Variants in COX11 observed in about 807,000 individuals in gnomAD.
COX11 encodes the protein cytochrome c oxidase copper chaperone COX11.
A neutral mutation model predicts 29.4 loss-of-function variants in COX11; 18 were observed. That is an observed-to-expected ratio of 0.61 (90% confidence interval 0.42 to 0.91). The LOEUF (loss-of-function observed/expected upper bound fraction) is 0.91. Among genes scored for constraint, COX11 ranks in the 40% least tolerant of loss-of-function variants. The probability of loss-of-function intolerance (pLI) is 0.00; values close to 1 mark genes in which losing one functional copy is unlikely to be tolerated. For missense variants in COX11, 312 were observed against 346.0 expected (o/e 0.90, Z 0.78); for synonymous variants, 131 against 124.0 (o/e 1.06, Z -0.38).
chr17:54,956,462 C>T (rs572116054), downstream of COX11, among the ~76,000 whole-genome samples: 65 of 152,120 alleles, frequency 4.3e-4, no homozygotes, highest in African/African-American at 1.5e-3. Flanking sequence ...TGTGCCACCA[C>T]GCCTGGCTAA....
exon 1 of COX11, chr17:54,954,473 A>G (rs375678199): frequency 1.4e-4 from 22 of 152,406 alleles, no homozygotes; most frequent in African/African-American, 4.8e-4. Flanking sequence ...GAAGAGTGCA[A>G]CAGGGGCCTG....
chr17:54,967,364 C>T (rs2144188346), intron 1 of COX11, among the ~76,000 whole-genome samples: 2 of 152,240 alleles, frequency 1.3e-5, no homozygotes, highest in South Asian at 4.2e-4. Flanking sequence ...GACTTCCTAA[C>T]CAGAATCTCT....
chr17:54,967,052 A>G (rs1057401249), intron 1 of COX11, among the ~76,000 whole-genome samples: 22 of 91,318 alleles, frequency 2.4e-4, no homozygotes, highest in East Asian at 2.2e-3. Context: ...GCACACACAC[A>G]CACACACACA....
At chr17:54,951,988 G>A (rs2143978573) in exon 1 of COX11, 1 of 152,316 alleles carries the variant, frequency 6.6e-6, no homozygotes, top group South Asian at 2.1e-4. Flanking sequence ...ACTTCTTCAT[G>A]TTGACCAGGG....
At chr17:54,952,325 G>A (rs926262223) in exon 1 of COX11, 8 of 152,080 alleles carry the variant, frequency 5.3e-5, no homozygotes, top group East Asian at 1.9e-4. Context: ...AGGCCAAGGC[G>A]CGCAGATCAC....
chr17:54,964,914 A>G, intron 1 of COX11, 62 bp from the exon 2 acceptor site: 1 of 1,513,928 alleles, frequency 6.6e-7, no homozygotes. Context: ...TATTTATTTG[A>G]TAAAAGTTTA....
At position 54,962,803 on chromosome 17, in the gene COX11, A is replaced by C; in HGVS notation, c.761T>G (p.Leu254Arg). 1.2e-6 allele frequency: 2 copies of C among 1,613,172 alleles called. No individual in the cohort carries two copies. Among genetic ancestry groups the C allele is most frequent in the Non-Finnish European group, 1.7e-6 (2 of 1,179,352 alleles). The change falls in exon 4 of 4, where the codon CTT becomes CGT. Residue 254 changes from leucine to arginine, a missense_variant. Leu to Arg is a moderately radical substitution (Grantham distance 102). Coordinates refer to ENST00000299335, the MANE Select transcript of COX11 (RefSeq NM_004375.5). ...AAAAAAAGTGTAAGAAAGAGTGATA[A>C]GATCAACTTTAATCATTCTTGGATC... is the stretch of plus-strand genomic sequence containing the variant. ...AEDPRMIKVD[L>R]ITLSYTFFEA...
At chr17:54,967,199 C>T (rs1442834566) in intron 1 of COX11, among the ~76,000 whole-genome samples, 5 of 152,146 alleles carry the variant, frequency 3.3e-5, no homozygotes, top group African/African-American at 1.2e-4. Context: ...CCCACTGTGG[C>T]CTTGTGATAA....
Position 54,962,473 on chromosome 17 carries a change from C to G in COX11, c.*260G>C. On this transcript the variant is annotated 3_prime_UTR_variant, in exon 4 of 4. Coordinates refer to ENST00000299335, the MANE Select transcript of COX11 (RefSeq NM_004375.5). ...AACCCATGCCTGCATATTTAAAAAA[C>G]AAAGCGGCTTATTTTAATAGTATCA... 9.3e-7 allele frequency: 1 copy of G among 1,076,584 alleles called. No individual in the cohort carries two copies. The highest frequency in any genetic ancestry group is 1.1e-6 in the Non-Finnish European group (1 of 890,888). The allele number at this position is 1,076,584 out of a possible 1,614,324, so 66.7% of individuals were successfully genotyped here.
rs1396806193 is a variant in COX11, at chr17:54,961,053, C to A, written c.*1680G>T. 4.9e-6 allele frequency: 3 copies of A among 606,638 alleles called. No homozygotes were observed. The highest frequency in any genetic ancestry group is 8.7e-6 in the Non-Finnish European group (3 of 344,436). The allele number at this position is 606,638 out of a possible 1,614,324, so 37.6% of individuals were successfully genotyped here. ...CCATGTATTTACTATTTAATGGTCA[C>A]CAATGAACTATCAAAACTTATTTAT... On this transcript the variant is annotated 3_prime_UTR_variant, in exon 4 of 4. Transcript: ENST00000299335.
intron 2 of COX11, among the ~76,000 whole-genome samples, chr17:54,963,903 A>G (rs1002826382): frequency 6.6e-6 from 1 of 152,142 alleles, no homozygotes; most frequent in African/African-American, 2.4e-5. Context: ...TGGAGAAAAT[A>G]AGGGAATAGC....
chr17:54,964,783 T>C lies in COX11; in HGVS notation c.436A>G (p.Lys146Glu), dbSNP rs759921249. The change falls in exon 2 of 4, where the codon AAA (lysine) becomes GAA (glutamate). Residue 146 changes from lysine to glutamate, a missense_variant. Lys to Glu is a moderately conservative substitution (Grantham distance 56). Transcript: ENST00000299335. ...AAGCTAATTTTAATGATTCGATCTTTAACAGGCACCATGTTTTCAATCTTG... is the reference window on the plus strand; with the variant it reads ...AAGCTAATTTTAATGATTCGATCTTCAACAGGCACCATGTTTTCAATCTTG... The part of the protein sequence containing the change: ...SDKIENMVPV[K>E]DRIIKISFNA... 6.8e-6 allele frequency: 11 copies of C among 1,613,956 alleles called. No homozygotes were observed. The South Asian group carries it at 1.1e-4, about 16-fold the overall frequency.
chr17:54,958,388 A>C (rs1441973589), downstream of COX11: 1 of 152,224 alleles, frequency 6.6e-6, no homozygotes, highest in Non-Finnish European at 1.5e-5. Context: ...TTAAGTAGAG[A>C]CAGTAAGTAC....
At chr17:54,957,916 T>C (rs1247959934), downstream of COX11, 2 of 152,234 alleles carry the variant, frequency 1.3e-5, no homozygotes, top group East Asian at 3.8e-4. Flanking sequence ...CAAATACATG[T>C]TTACAAAATT....
Position 54,968,564 on chromosome 17 carries a change from GC to G in COX11, c.82del (p.Ala28LeufsTer5), listed in dbSNP as rs2077320439. 1 of 1,613,048 alleles carries G rather than the reference GC, an allele frequency of 6.2e-7. No homozygotes were observed. Among genetic ancestry groups the G allele is most frequent in the East Asian group, 2.2e-5 (1 of 44,850 alleles). ...RWIHPGSPTR[A>X]AERVEPFLRP... ...AAGAAACGGCTCTACCCTCTCTGCAGCCCTGGTTGGAGACCCAGGGTGGATC... is the reference window on the plus strand; with the variant it reads ...AAGAAACGGCTCTACCCTCTCTGCAGCCTGGTTGGAGACCCAGGGTGGATC... On this transcript the variant is annotated frameshift_variant, in exon 1 of 4. Coordinates refer to ENST00000299335, the MANE Select transcript of COX11 (RefSeq NM_004375.5). LOFTEE classifies it high-confidence loss of function.
downstream of COX11, among the ~76,000 whole-genome samples, chr17:54,956,374 G>A (rs1249155379): frequency 6.6e-6 from 1 of 151,926 alleles, no homozygotes; most frequent in Non-Finnish European, 1.5e-5. Flanking sequence ...GGGTGATCTC[G>A]GCTCACTGCA....
At chr17:54,967,040 G>GCACACACACACA (rs1491115527) in intron 1 of COX11, among the ~76,000 whole-genome samples, 4 of 38,448 alleles carry the variant, frequency 1.0e-4, no homozygotes, top group African/African-American at 2.2e-4. Flanking sequence ...GTGCGCGCGC[G>GCACACACACACA]CGCACACACA....
Position 54,968,297 on chromosome 17 carries a change from T to TAA in COX11, c.348_349dup (p.Tyr117PhefsTer80). ...GGCCCCTACCTGGCAATAGAGCCGA[T>TAA]AAAGGGGTACGGCAGCGTAGGACGC... On this transcript the variant is annotated frameshift_variant, in exon 1 of 4. Coordinates refer to ENST00000299335, the MANE Select transcript of COX11 (RefSeq NM_004375.5). LOFTEE classifies it high-confidence loss of function. 1 of 1,612,480 alleles carries TAA rather than the reference T, an allele frequency of 6.2e-7. No individual in the cohort carries two copies.
chr17:54,959,351 G>A (rs925373291), downstream of COX11: 1 of 152,152 alleles, frequency 6.6e-6, no homozygotes, highest in African/African-American at 2.4e-5. Flanking sequence ...GGTGGCTTAT[G>A]CCTCTAATCC....
Sources: gnomAD v4.1 joint callset for allele counts (sites outside exome capture counted in the v4.1 genomes callset) on GRCh38, gnomAD v4.1.1 for gene constraint, MANE v1.5 for transcripts, NCBI Gene and HGNC (gene_info 2026-07-23, HGNC 2026-07-21) for gene names.